FHIT: variants seen among roughly 807,000 people sequenced by gnomAD.
The protein encoded by FHIT is bis(5'-adenosyl)-triphosphatase.
A neutral mutation model predicts 17.9 loss-of-function variants in FHIT; 19 were observed. The observed-to-expected ratio is 1.06, with a 90% CI of 0.74 to 1.56. The LOEUF (loss-of-function observed/expected upper bound fraction) is 1.56, where lower values mean the gene tolerates loss of function less well. Among genes scored for constraint, FHIT ranks in the 40% most tolerant of loss-of-function variants. The probability of loss-of-function intolerance (pLI) is 0.00; values close to 1 mark genes in which losing one functional copy is unlikely to be tolerated. For missense variants in FHIT, 248 were observed against 189.2 expected (o/e 1.31, Z -1.82); for synonymous variants, 81 against 69.7 (o/e 1.16, Z -0.81).
intron 5 of FHIT, among the ~76,000 whole-genome samples, chr3:60,431,083 G>A (rs757180112): frequency 6.6e-5 from 10 of 151,806 alleles, no homozygotes; most frequent in African/African-American, 1.9e-4. Flanking sequence ...ATTGTGGTGC[G>A]CACCTATGGT....
intron 5 of FHIT, among the ~76,000 whole-genome samples, chr3:60,243,042 T>C (rs879711561): frequency 2.6e-5 from 4 of 151,108 alleles, no homozygotes; most frequent in Non-Finnish European, 4.4e-5. Flanking sequence ...ATCAGTGTGA[T>C]GTCAATATTC....
chr3:60,792,836 T>TC (rs1201267666), intron 4 of FHIT, among the ~76,000 whole-genome samples: 1 of 151,106 alleles, frequency 6.6e-6, no homozygotes, highest in African/African-American at 2.4e-5. Context: ...ACAATTTCTT[T>TC]TTTTTTTTTT....
rs62268664 is a variant in FHIT at position 60,974,458 on chromosome 3, G to A, written c.-111+67589C>T. On this transcript the variant is annotated intron_variant, in intron 3 of 9. Coordinates refer to ENST00000492590, the MANE Select transcript of FHIT (RefSeq NM_002012.4). ...AGAGAATTGCTGCTGGTTGGTAAAG[G>A]GATAGAATGAAAGATTCAATGTGGT... Among the ~76,000 whole-genome samples the A allele has an allele frequency of 9.7e-3, 1,470 of 152,242 alleles. 16 individuals carry two copies. Among genetic ancestry groups the A allele is most frequent in the Non-Finnish European group, 0.017 (1,128 of 68,018 alleles).
intron 3 of FHIT, among the ~76,000 whole-genome samples, chr3:61,029,245 T>C (rs2032888836): frequency 6.6e-6 from 1 of 152,104 alleles, no homozygotes; most frequent in Non-Finnish European, 1.5e-5. Context: ...CTAAAATTGA[T>C]CTGTACCAAG....
chr3:61,075,097 T>C (rs920281924), intron 2 of FHIT, among the ~76,000 whole-genome samples: 2 of 152,132 alleles, frequency 1.3e-5, no homozygotes, highest in Non-Finnish European at 2.9e-5. Context: ...CAGGTTTCAA[T>C]GTTCTACCAA....
chr3:60,632,863 G>C (rs567954812), intron 4 of FHIT, among the ~76,000 whole-genome samples: 52 of 152,252 alleles, frequency 3.4e-4, no homozygotes, highest in South Asian at 1.0e-3. Flanking sequence ...GTTATTTCTA[G>C]ACCCAGAGGA....
intron 3 of FHIT, among the ~76,000 whole-genome samples, chr3:60,847,455 C>A (rs984858542): frequency 6.6e-5 from 10 of 152,032 alleles, no homozygotes; most frequent in Non-Finnish European, 1.3e-4. Flanking sequence ...AAGATTGGAC[C>A]CCTGACTGGG....
chr3:60,361,370 C>A (rs1321742388), intron 5 of FHIT, among the ~76,000 whole-genome samples: 1 of 152,060 alleles, frequency 6.6e-6, no homozygotes, highest in African/African-American at 2.4e-5. Context: ...GAAAAGGGCA[C>A]TATTCTTTTT....
intron 1 of FHIT, among the ~76,000 whole-genome samples, chr3:61,212,196 A>G (rs1022550459): frequency 2.6e-5 from 4 of 152,254 alleles, no homozygotes; most frequent in Non-Finnish European, 5.9e-5. Context: ...AGACGATCAA[A>G]CTACTCCGAG....
intron 2 of FHIT, among the ~76,000 whole-genome samples, chr3:61,060,364 C>T (rs945238725): frequency 6.6e-6 from 1 of 152,098 alleles, no homozygotes; most frequent in Admixed American, 6.5e-5. Context: ...TAAGTAAGGA[C>T]TTACTGTACT....
chr3:60,888,080 T>A (rs930807301), intron 3 of FHIT, among the ~76,000 whole-genome samples: 1 of 152,184 alleles, frequency 6.6e-6, no homozygotes, highest in Non-Finnish European at 1.5e-5. Flanking sequence ...ATCTGGGGCT[T>A]CTGCTTCCCA....
chr3:60,719,146 A>T (rs577197657), intron 4 of FHIT, among the ~76,000 whole-genome samples: 1 of 152,328 alleles, frequency 6.6e-6, no homozygotes, highest in African/African-American at 2.4e-5. Flanking sequence ...GCTTATTAGT[A>T]AAGTGCCTTG....
intron 4 of FHIT, among the ~76,000 whole-genome samples, chr3:60,579,980 C>T (rs1553659071): frequency 6.6e-6 from 1 of 152,036 alleles, no homozygotes; most frequent in African/African-American, 2.4e-5. Context: ...TGTCTAGCAG[C>T]CTCCGTGCAA....
chr3:60,873,481 T>G (rs1441380765), intron 3 of FHIT, among the ~76,000 whole-genome samples: 1 of 152,216 alleles, frequency 6.6e-6, no homozygotes, highest in Non-Finnish European at 1.5e-5. Flanking sequence ...TGTTGCTTTG[T>G]GTGTTCTCCC....
chr3:59,764,383 G>A (rs535211924), intron 8 of FHIT, among the ~76,000 whole-genome samples: 16 of 152,208 alleles, frequency 1.1e-4, no homozygotes, highest in South Asian at 4.2e-4. Flanking sequence ...ATATTCCAAC[G>A]GTACTCACCA....
At chr3:60,179,353 T>A (rs1317868574) in intron 5 of FHIT, among the ~76,000 whole-genome samples, 5 of 152,236 alleles carry the variant, frequency 3.3e-5, no homozygotes, top group Admixed American at 6.5e-5. Flanking sequence ...TGTAATCTTT[T>A]CACACTATGC....
chr3:60,524,231 C>G (rs938412714), intron 5 of FHIT, among the ~76,000 whole-genome samples: 1 of 109,528 alleles, frequency 9.1e-6, no homozygotes, highest in Admixed American at 9.6e-5. Context: ...CACACACACA[C>G]ACACACACAC....
At chr3:60,082,243 T>C (rs1467594712) in intron 5 of FHIT, among the ~76,000 whole-genome samples, 1 of 124,552 alleles carries the variant, frequency 8.0e-6, no homozygotes, top group African/African-American at 3.4e-5. Context: ...TCTGTTCCTG[T>C]GTTAATTTGC....
At chr3:61,147,600 C>T (rs796204335) in intron 2 of FHIT, among the ~76,000 whole-genome samples, 17 of 151,656 alleles carry the variant, frequency 1.1e-4, no homozygotes, top group African/African-American at 4.1e-4. Flanking sequence ...CATGGCTATT[C>T]CCCGAAGATA....
Sources: allele counts gnomAD v4.1 joint callset (sites outside exome capture counted in the v4.1 genomes callset), GRCh38; gene constraint gnomAD v4.1.1; transcripts MANE v1.5; gene names NCBI Gene and HGNC (gene_info 2026-07-23, HGNC 2026-07-21).